PLCG2: variants seen among roughly 807,000 people sequenced by gnomAD.
PLCG2 encodes 1-phosphatidylinositol 4,5-bisphosphate phosphodiesterase gamma-2.
In PLCG2, 69 loss-of-function variants were observed where a neutral mutation model predicts 175.6. The observed-to-expected ratio is 0.39, with a 90% CI of 0.32 to 0.48. The LOEUF (loss-of-function observed/expected upper bound fraction) is 0.48. Among genes scored for constraint, PLCG2 ranks in the 20% least tolerant of loss-of-function variants. The pLI is 0.91. For synonymous variants in PLCG2, 827 were observed against 624.0 expected (o/e 1.33, Z -4.85); for missense variants, 1,798 against 1,650.9 (o/e 1.09, Z -1.54).
chr16:81,796,749 A>T (rs1166034138), intron 2 of PLCG2, among the ~76,000 whole-genome samples: 1 of 152,222 alleles, frequency 6.6e-6, no homozygotes, highest in Non-Finnish European at 1.5e-5. Flanking sequence ...AATCTGAGTC[A>T]TGCATCTGCA....
At chr16:81,764,910 A>C (rs1910113546) in intron 2 of PLCG2, among the ~76,000 whole-genome samples, 1 of 151,560 alleles carries the variant, frequency 6.6e-6, no homozygotes, top group African/African-American at 2.4e-5. Flanking sequence ...GACAAAACTG[A>C]GACCCTGTCT....
chr16:81,773,955 G>A (rs978746882), intron 2 of PLCG2, among the ~76,000 whole-genome samples: 5 of 151,938 alleles, frequency 3.3e-5, no homozygotes, highest in African/African-American at 1.2e-4. Flanking sequence ...GCCTGGGAGT[G>A]CCTGGCCCCT....
At chr16:81,781,673 A>G (rs1254845551) in intron 1 of PLCG2, among the ~76,000 whole-genome samples, 1 of 152,186 alleles carries the variant, frequency 6.6e-6, no homozygotes, top group East Asian at 1.9e-4. Context: ...TGTAAGGTGC[A>G]GCAGTAATGT....
intron 2 of PLCG2, among the ~76,000 whole-genome samples, chr16:81,844,927 C>A (rs1015111397): frequency 6.6e-6 from 1 of 151,938 alleles, no homozygotes. Flanking sequence ...AATTGAGACA[C>A]CATGTTCTTT....
At chr16:81,937,477 A>C (rs1910762982) in intron 27 of PLCG2, 2 of 285,326 alleles carry the variant, frequency 7.0e-6, no homozygotes, top group African/African-American at 4.3e-5. Context: ...ATTTGAATTA[A>C]AATTGCCTAT....
intron 25 of PLCG2, among the ~76,000 whole-genome samples, chr16:81,933,028 A>G (rs1412087794): frequency 2.0e-5 from 3 of 152,190 alleles, no homozygotes; most frequent in African/African-American, 7.2e-5. Flanking sequence ...ACTTTGCTTA[A>G]TGTGGAAAAG....
At chr16:81,941,702 C>A (rs931275233) in intron 30 of PLCG2, among the ~76,000 whole-genome samples, 8 of 140,560 alleles carry the variant, frequency 5.7e-5, no homozygotes, top group African/African-American at 2.1e-4. Context: ...GTAAACTCCC[C>A]CTTTTTTTTT....
chr16:81,891,767 C>T (rs376617973), intron 11 of PLCG2, among the ~76,000 whole-genome samples, 177 bp downstream of exon 11: 1 of 152,152 alleles, frequency 6.6e-6, no homozygotes, highest in Non-Finnish European at 1.5e-5. Context: ...ACACACTTCC[C>T]TTTGTCAGCT....
chr16:81,765,882 T>G (rs1002614170), intron 2 of PLCG2, among the ~76,000 whole-genome samples: 5 of 152,144 alleles, frequency 3.3e-5, no homozygotes, highest in African/African-American at 1.2e-4. Context: ...CAAGGTGGGT[T>G]ACATACTAGG....
At chr16:81,876,150 G>A (rs1287204327) in intron 7 of PLCG2, among the ~76,000 whole-genome samples, 3 of 150,030 alleles carry the variant, frequency 2.0e-5, no homozygotes, top group Non-Finnish European at 1.5e-5. Flanking sequence ...CTCAGCCTCC[G>A]GAGTACCTGG....
intron 2 of PLCG2, among the ~76,000 whole-genome samples, chr16:81,850,709 G>A (rs1408501040): frequency 2.6e-5 from 4 of 152,124 alleles, no homozygotes; most frequent in Non-Finnish European, 5.9e-5. Flanking sequence ...TAGAAGCGGG[G>A]AACTTCTGGC....
At position 81,956,870 on chromosome 16, in the gene PLCG2, G is replaced by A; in HGVS notation, c.3746G>A (p.Cys1249Tyr). The change falls in exon 32 of 33, where the codon TGC becomes TAC. Residue 1249 changes from cysteine (C) to tyrosine (Y), a missense_variant. Cys to Tyr is a radical substitution (Grantham distance 194, BLOSUM62 -2). Transcript: ENST00000564138. ...ENQLQLYQEK[C>Y]NKRLREKRVS... ...CAGCTCCAGCTGTACCAGGAGAAAT[G>A]CAACAAGAGGTAGGTCAGCCCCTCC... is the stretch of plus-strand genomic sequence containing the variant. 1.2e-6 allele frequency: 2 copies of A among 1,613,360 alleles called. No homozygotes were observed. The highest frequency in any genetic ancestry group is 1.7e-6 in the Non-Finnish European group (2 of 1,179,512).
intron 25 of PLCG2, among the ~76,000 whole-genome samples, chr16:81,933,331 C>G (rs888521058): frequency 6.6e-6 from 1 of 152,198 alleles, no homozygotes; most frequent in Admixed American, 6.5e-5. Context: ...GAAGAAGGCC[C>G]CATCCCACTC....
chr16:81,955,801 G>A (rs529387372), intron 31 of PLCG2, among the ~76,000 whole-genome samples: 4 of 152,350 alleles, frequency 2.6e-5, no homozygotes, highest in African/African-American at 9.6e-5. Flanking sequence ...GGTTGTACTG[G>A]TGGGGGAAGT....
At chr16:81,892,965 C>G (rs138199457) in intron 11 of PLCG2, among the ~76,000 whole-genome samples, 1,821 of 152,112 alleles carry the variant, frequency 0.012, 33 homozygotes, top group African/African-American at 0.041. Context: ...CTGCCTCAGC[C>G]TCCCGAGTAG....
chr16:81,933,429 C>A (rs1437832275), intron 25 of PLCG2, among the ~76,000 whole-genome samples: 3 of 152,200 alleles, frequency 2.0e-5, no homozygotes, highest in African/African-American at 7.2e-5. Flanking sequence ...GGTCTGTAGC[C>A]ACCTCATTGA....
chr16:81,764,647 C>A (rs1024196806), intron 2 of PLCG2, among the ~76,000 whole-genome samples: 1 of 152,218 alleles, frequency 6.6e-6, no homozygotes, highest in Non-Finnish European at 1.5e-5. Context: ...CTAATTTTCT[C>A]CATCTTTTTT....
intron 7 of PLCG2, among the ~76,000 whole-genome samples, chr16:81,876,619 A>G (rs1017000990): frequency 4.6e-5 from 7 of 152,166 alleles, no homozygotes; most frequent in Non-Finnish European, 8.8e-5. Context: ...TAGTTTATCT[A>G]TTATTTTAGT....
chr16:81,892,384 A>T (rs988061879), intron 11 of PLCG2, among the ~76,000 whole-genome samples: 3 of 152,120 alleles, frequency 2.0e-5, no homozygotes, highest in African/African-American at 7.2e-5. Context: ...TCCAGTATTT[A>T]GTCTGTCTTA....
Sources: gnomAD v4.1 joint callset for allele counts (sites outside exome capture counted in the v4.1 genomes callset) on GRCh38, gnomAD v4.1.1 for gene constraint, MANE v1.5 for transcripts, NCBI Gene and HGNC (gene_info 2026-07-23, HGNC 2026-07-21) for gene names.